The following PITPNM3 variants were observed in gnomAD, a reference collection of about 807,000 sequenced individuals.
The protein encoded by PITPNM3 is PITPNM family member 3.
PITPNM3 carries 26 observed loss-of-function variants against 102.0 expected under a neutral mutation model. The observed-to-expected ratio is 0.25, with a 90% CI of 0.19 to 0.35. The LOEUF (loss-of-function observed/expected upper bound fraction) is 0.35, where lower values mean the gene tolerates loss of function less well. PITPNM3 is among the 10% of genes least tolerant of loss of function. PITPNM3 has a pLI of 1.00. For missense variants in PITPNM3, 1,083 were observed against 1,346.1 expected, an observed-to-expected ratio of 0.80 and a Z score of 3.06; for synonymous variants, 578 against 558.6, an observed-to-expected ratio of 1.03 and a Z score of -0.49.
At chr17:6,484,552 T>A (rs759549007) in intron 4 of PITPNM3, among the ~76,000 whole-genome samples, 1 of 152,222 alleles carries the variant, frequency 6.6e-6, no homozygotes, top group Non-Finnish European at 1.5e-5. Flanking sequence ...AAGGAGGGGC[T>A]TCCTCGAAAG....
Position 6,455,171 on chromosome 17 carries a change from C to A in PITPNM3, c.*167G>T. ...TCACCCCGTCGCAGCTCAGGGAGCC[C>A]CCCGGGCTCGGGCAGGATCCCTCCC... On this transcript the variant is annotated 3_prime_UTR_variant, in exon 20 of 20. Transcript: ENST00000262483. 1 of 901,964 alleles carries A rather than the reference C, an allele frequency of 1.1e-6. No homozygotes were observed. Among genetic ancestry groups the A allele is most frequent in the Non-Finnish European group, 1.6e-6 (1 of 631,398 alleles). The allele number at this position is 901,964 out of a possible 1,614,324, so 55.9% of individuals were successfully genotyped here.
At chr17:6,456,448 A>G (rs768818479) in intron 19 of PITPNM3, among the ~76,000 whole-genome samples, 3 of 152,052 alleles carry the variant, frequency 2.0e-5, no homozygotes, top group Non-Finnish European at 4.4e-5. Flanking sequence ...CCTCCTTGCC[A>G]GTCCTTCTGG....
chr17:6,471,125 C>T (rs771154240), intron 12 of PITPNM3, 36 bp downstream of exon 12: 16 of 1,608,974 alleles, frequency 9.9e-6, no homozygotes, highest in Middle Eastern at 4.4e-4. Context: ...TCCCCTCCCC[C>T]GAATCCAGGC....
At position 6,452,516 on chromosome 17, in the gene PITPNM3, G is replaced by A. The variant is rs986779418; in HGVS notation, c.*2822C>T. The A allele has an allele frequency of 2.0e-5, 3 of 152,222 alleles. No homozygotes were observed. Among genetic ancestry groups the A allele is most frequent in the Admixed American group, 6.5e-5 (1 of 15,284 alleles). 9.4% of individuals were successfully genotyped at this position (152,222 alleles called of 1,614,324 possible). On this transcript the variant is annotated 3_prime_UTR_variant, in exon 20 of 20. Transcript: ENST00000262483. Reference sequence around the variant, plus strand: ...GATTGGGGGTCACAGAACTACTCAAGGAGAGGCAGCAGCACCCCCTCCAGA... The same window carrying A: ...GATTGGGGGTCACAGAACTACTCAAAGAGAGGCAGCAGCACCCCCTCCAGA...
intron 9 of PITPNM3, 24 bp downstream of exon 9, chr17:6,477,005 T>G (rs1905338565): frequency 1.2e-6 from 2 of 1,613,086 alleles, no homozygotes; most frequent in African/African-American, 2.7e-5. Flanking sequence ...AAGGTCTTCT[T>G]GCTTCTGGAC....
Position 6,458,446 on chromosome 17 carries a change from A to G in PITPNM3, c.2491-724T>C, listed in dbSNP as rs1294903561. 1.3e-5 allele frequency among the ~76,000 whole-genome samples: 2 copies of G among 151,914 alleles called. No homozygotes were observed. Among genetic ancestry groups the G allele is most frequent in the African/African-American group, 4.8e-5 (2 of 41,318 alleles). On this transcript the variant is annotated intron_variant, in intron 18 of 19. Coordinates refer to ENST00000262483, the MANE Select transcript of PITPNM3 (RefSeq NM_031220.4). The surrounding 1 kb of genome is among the most constrained non-coding windows in gnomAD (Gnocchi z 5.1). ...TTCCTTCCTGCCAAGCCCCACCATC[A>G]CTGGGATGACCCACGGTCTGCATGA...
At chr17:6,465,914 T>C (rs1904743241) in intron 14 of PITPNM3, among the ~76,000 whole-genome samples, 1 of 152,200 alleles carries the variant, frequency 6.6e-6, no homozygotes, top group African/African-American at 2.4e-5. Flanking sequence ...AACAGCTCCC[T>C]AATGGAGCTC....
chr17:6,510,113 T>C (rs1273034765), intron 3 of PITPNM3, among the ~76,000 whole-genome samples: 1 of 152,238 alleles, frequency 6.6e-6, no homozygotes. Context: ...TATGGTATGT[T>C]ACATCGATTG....
chr17:6,451,405 G>C lies in PITPNM3; in HGVS notation c.*3933C>G, dbSNP rs970197986. ...GTTAGAAATCTGATATCTTACATTA[G>C]CGTTTCTAACGGATTTTGTACAAGG... is the stretch of plus-strand genomic sequence containing the variant. On this transcript the variant is annotated 3_prime_UTR_variant, in exon 20 of 20. Coordinates refer to ENST00000262483, the MANE Select transcript of PITPNM3 (RefSeq NM_031220.4). 1.3e-5 allele frequency: 2 copies of C among 152,196 alleles called. No homozygotes were observed. Among genetic ancestry groups the C allele is most frequent in the Non-Finnish European group, 2.9e-5 (2 of 68,040 alleles). 9.4% of individuals were successfully genotyped at this position (152,196 alleles called of 1,614,324 possible). A position where few individuals can be genotyped will look rare whatever the true frequency, so the allele number is the denominator to read the frequency against.
At chr17:6,512,531 C>T (rs910342195) in intron 3 of PITPNM3, among the ~76,000 whole-genome samples, 17 of 152,140 alleles carry the variant, frequency 1.1e-4, no homozygotes, top group Admixed American at 3.3e-4. Context: ...TTCTGAGCCC[C>T]GCTCCCAGAG....
At chr17:6,544,710 G>A (rs73975609) in intron 1 of PITPNM3, among the ~76,000 whole-genome samples, 1,550 of 147,844 alleles carry the variant, frequency 0.01, 29 homozygotes, top group African/African-American at 0.036. Flanking sequence ...GAGAACAGCA[G>A]GTTCTACAAG....
At position 6,549,872 on chromosome 17, in the gene PITPNM3, C is replaced by T. The variant is rs140014987; in HGVS notation, c.22+6513G>A. Among the ~76,000 whole-genome samples the T allele has an allele frequency of 2.6e-5, 4 of 152,306 alleles. No individual in the cohort carries two copies. The East Asian group carries it at 5.8e-4, about 22-fold the overall frequency. On this transcript the variant is annotated intron_variant, in intron 1 of 19. Coordinates refer to ENST00000262483, the MANE Select transcript of PITPNM3 (RefSeq NM_031220.4). ...CTCCTGGCTGCAGACCTGGTGATGG[C>T]CTGCCAGGAGGCACGTGCTCTCCAC...
At chr17:6,536,437 T>C (rs181198317) in intron 2 of PITPNM3, among the ~76,000 whole-genome samples, 214 of 152,330 alleles carry the variant, frequency 1.4e-3, no homozygotes, top group African/African-American at 4.9e-3. Context: ...TTAGTTGCTA[T>C]GGAGAAATTC....
intron 17 of PITPNM3, among the ~76,000 whole-genome samples, chr17:6,462,496 G>A (rs1022180188): frequency 6.6e-6 from 1 of 152,094 alleles, no homozygotes; most frequent in Admixed American, 6.5e-5. Context: ...ACCATCTCCT[G>A]ATATTCCCAT....
intron 2 of PITPNM3, among the ~76,000 whole-genome samples, chr17:6,535,729 G>A (rs1909377752): frequency 6.6e-6 from 1 of 151,872 alleles, no homozygotes; most frequent in Admixed American, 6.6e-5. Flanking sequence ...GACCAGCCTG[G>A]CCAACATGGT....
chr17:6,526,351 C>G (rs774294500), intron 2 of PITPNM3, among the ~76,000 whole-genome samples: 1 of 152,216 alleles, frequency 6.6e-6, no homozygotes, highest in Non-Finnish European at 1.5e-5. Flanking sequence ...CATGTGTGCT[C>G]TCCTCCCCAT....
In PITPNM3 at chr17:6,478,117, G is replaced by T; in HGVS notation, c.778-20C>A. The T allele has an allele frequency of 1.2e-6, 2 of 1,612,396 alleles. No homozygotes were observed. On this transcript the variant is annotated intron_variant, in intron 7 of 19. Coordinates refer to ENST00000262483, the MANE Select transcript of PITPNM3 (RefSeq NM_031220.4). The surrounding 1 kb of genome is among the most constrained non-coding windows in gnomAD (Gnocchi z 4.4). ...ACACACCTGGAAGAGATGCAGCTGG[G>T]ACTGCAGGCCTGCCCACTGCTGACC...
chr17:6,472,567 T>A lies in PITPNM3; in HGVS notation c.1429+90A>T. On this transcript the variant is annotated intron_variant, in intron 11 of 19. Coordinates refer to ENST00000262483, the MANE Select transcript of PITPNM3 (RefSeq NM_031220.4). The surrounding 1 kb of genome is among the most constrained non-coding windows in gnomAD (Gnocchi z 4.1). ...TTCTCACAGCCCCTGCTCAGGTGAG[T>A]CACCCTACTCACTGAGAGCTTGGAG... The A allele has an allele frequency of 6.7e-7, 1 of 1,482,044 alleles. No individual in the cohort carries two copies. Among genetic ancestry groups the A allele is most frequent in the Non-Finnish European group, 9.2e-7 (1 of 1,085,438 alleles). 91.8% of individuals were successfully genotyped at this position (1,482,044 alleles called of 1,614,324 possible).
intron 2 of PITPNM3, among the ~76,000 whole-genome samples, chr17:6,530,879 A>G (rs1296338213): frequency 6.6e-6 from 1 of 152,232 alleles, no homozygotes; most frequent in Non-Finnish European, 1.5e-5. Flanking sequence ...CACAGCCAAC[A>G]GAGCCTTGCA....
Sources: allele counts gnomAD v4.1 joint callset (sites outside exome capture counted in the v4.1 genomes callset), GRCh38; gene constraint gnomAD v4.1.1; non-coding constraint Gnocchi (gnomAD v3.1); transcripts MANE v1.5; gene names NCBI Gene and HGNC (gene_info 2026-07-23, HGNC 2026-07-21).